Variants in CNTNAP2 observed in about 807,000 individuals in gnomAD.
The protein encoded by CNTNAP2 is contactin-associated protein-like 2.
CNTNAP2 carries 98 observed loss-of-function variants against 155.2 expected under a neutral mutation model. That is an observed-to-expected ratio of 0.63 (90% CI 0.54 to 0.75). CNTNAP2 has a LOEUF of 0.75. Among genes scored for constraint, CNTNAP2 ranks in the 30% least tolerant of loss-of-function variants. The probability of loss-of-function intolerance (pLI) is 0.00; values close to 1 mark genes in which losing one functional copy is unlikely to be tolerated. For missense variants in CNTNAP2, 1,727 were observed against 1,688.1 expected, an observed-to-expected ratio of 1.02 and a Z score of -0.40; for synonymous variants, 651 against 631.2, an observed-to-expected ratio of 1.03 and a Z score of -0.47.
intron 18 of CNTNAP2, among the ~76,000 whole-genome samples, chr7:148,174,316 G>T (rs1162811029): frequency 6.6e-6 from 1 of 152,156 alleles, no homozygotes; most frequent in Non-Finnish European, 1.5e-5. Flanking sequence ...CTGCACTGAG[G>T]CAAGCTCCAT....
intron 13 of CNTNAP2, among the ~76,000 whole-genome samples, chr7:147,895,582 G>A (rs1204374983): frequency 6.6e-6 from 1 of 152,188 alleles, no homozygotes; most frequent in Non-Finnish European, 1.5e-5. Context: ...TCTGAGGTTA[G>A]AGAAGTTCTT....
chr7:147,331,285 CGCTG>C (rs1381577737), intron 9 of CNTNAP2, among the ~76,000 whole-genome samples: 1 of 152,068 alleles, frequency 6.6e-6, no homozygotes, highest in African/African-American at 2.4e-5. Flanking sequence ...TAACCAGGAT[CGCTG>C]GCTTGGACGA....
chr7:147,530,798 AT>A (rs375546998), intron 11 of CNTNAP2, among the ~76,000 whole-genome samples: 9 of 152,156 alleles, frequency 5.9e-5, no homozygotes, highest in African/African-American at 2.2e-4. Context: ...GTCTTAACTC[AT>A]TTCGACATTA....
intron 10 of CNTNAP2, among the ~76,000 whole-genome samples, chr7:147,478,599 A>G (rs4725733): frequency 0.77 from 117,430 of 152,142 alleles, 45,604 homozygotes; most frequent in African/African-American, 0.85. Flanking sequence ...CCTTTCATTC[A>G]CTGAATGAAA....
At chr7:146,328,310 A>G (rs963730116) in intron 1 of CNTNAP2, among the ~76,000 whole-genome samples, 33 of 152,160 alleles carry the variant, frequency 2.2e-4, no homozygotes, top group African/African-American at 7.5e-4. Flanking sequence ...ATTGTCTTCT[A>G]TGAAACTGGT....
In CNTNAP2 at chr7:147,115,850, T is replaced by G. The variant is rs1800975898; in HGVS notation, c.755-5129T>G. Among the ~76,000 whole-genome samples, 3 of 152,184 alleles carry G rather than the reference T, an allele frequency of 2.0e-5. No individual in the cohort carries two copies. The South Asian group carries it at 6.2e-4, about 32-fold the overall frequency. ...CAGCCTTAGCCCAGTTCTGAGCGCT[T>G]GCTGGAGAGGTGTTGCAATCATTTG... On this transcript the variant is annotated intron_variant, in intron 5 of 23. Transcript: ENST00000361727.
intron 17 of CNTNAP2, among the ~76,000 whole-genome samples, chr7:148,158,482 A>C (rs1025563534): frequency 6.6e-6 from 1 of 152,152 alleles, no homozygotes; most frequent in African/African-American, 2.4e-5. Flanking sequence ...CAGCTTCCCA[A>C]GGTGCTAGGA....
At chr7:147,789,159 G>A (rs530004353) in intron 13 of CNTNAP2, among the ~76,000 whole-genome samples, 12 of 151,840 alleles carry the variant, frequency 7.9e-5, no homozygotes, top group South Asian at 4.2e-4. Flanking sequence ...TGCCCGCCTC[G>A]GCCTCCCAAA....
chr7:147,109,914 T>C (rs1225571836), intron 5 of CNTNAP2, among the ~76,000 whole-genome samples: 1 of 151,366 alleles, frequency 6.6e-6, no homozygotes, highest in Non-Finnish European at 1.5e-5. Flanking sequence ...TATTTATTTA[T>C]TTATTTATTT....
At chr7:147,059,615 C>G (rs1219528730) in intron 4 of CNTNAP2, among the ~76,000 whole-genome samples, 3 of 152,068 alleles carry the variant, frequency 2.0e-5, no homozygotes, top group Admixed American at 6.6e-5. Flanking sequence ...TTCTCACTAG[C>G]TTGATTCAGA....
At chr7:146,588,827 C>A (rs1303523320) in intron 1 of CNTNAP2, among the ~76,000 whole-genome samples, 2 of 151,996 alleles carry the variant, frequency 1.3e-5, no homozygotes, top group African/African-American at 4.8e-5. Flanking sequence ...AAATTTTGAA[C>A]CAACAATCTT....
At chr7:147,594,800 G>T (rs915777975) in intron 12 of CNTNAP2, among the ~76,000 whole-genome samples, 1 of 152,134 alleles carries the variant, frequency 6.6e-6, no homozygotes, top group Non-Finnish European at 1.5e-5. Flanking sequence ...ACCAAGGCAA[G>T]CTCTAAAGTA....
chr7:147,560,716 T>G (rs1584814045), intron 11 of CNTNAP2, among the ~76,000 whole-genome samples: 1 of 151,580 alleles, frequency 6.6e-6, no homozygotes, highest in East Asian at 1.9e-4. Context: ...TGCAGCATAG[T>G]TCCTCAATAA....
chr7:146,593,276 C>A (rs1366949359), intron 1 of CNTNAP2, among the ~76,000 whole-genome samples: 1 of 151,824 alleles, frequency 6.6e-6, no homozygotes. Context: ...TAGACCAGTC[C>A]GTTAGTGACC....
At position 147,822,196 on chromosome 7, in the gene CNTNAP2, T is replaced by C. The variant is rs1798372784; in HGVS notation, c.2099-81369T>C. Among the ~76,000 whole-genome samples, 3 of 151,986 alleles carry C rather than the reference T, an allele frequency of 2.0e-5. No homozygotes were observed. In the South Asian group the frequency reaches 6.2e-4, roughly 32 times the overall value. ...ATGGACTCTCTATTTTATACTCACC[T>C]CCCCACCTCACTCCCAACACATGAA... On this transcript the variant is annotated intron_variant, in intron 13 of 23. Transcript: ENST00000361727.
chr7:146,284,477 G>A (rs956246172), intron 1 of CNTNAP2, among the ~76,000 whole-genome samples: 22 of 151,998 alleles, frequency 1.4e-4, no homozygotes, highest in Admixed American at 9.2e-4. Context: ...GTCCATGGGC[G>A]TAATTAATAA....
At chr7:147,711,565 G>C (rs956283842) in intron 13 of CNTNAP2, among the ~76,000 whole-genome samples, 1 of 152,178 alleles carries the variant, frequency 6.6e-6, no homozygotes, top group African/African-American at 2.4e-5. Context: ...AACGATGGGA[G>C]CATGTGGCAA....
intron 3 of CNTNAP2, among the ~76,000 whole-genome samples, chr7:146,868,837 A>C (rs1308749255): frequency 6.6e-6 from 1 of 152,058 alleles, no homozygotes; most frequent in Non-Finnish European, 1.5e-5. Flanking sequence ...GGTACCCAGA[A>C]ATGCTAATAA....
chr7:148,420,928 A>AT lies in CNTNAP2; in HGVS notation c.*5315dup, dbSNP rs1159589272. On this transcript the variant is annotated 3_prime_UTR_variant, in exon 24 of 24. Coordinates refer to ENST00000361727, the MANE Select transcript of CNTNAP2 (RefSeq NM_014141.6). Reference sequence around the variant, plus strand: ...CTAATATTCTTTGTGAATGTCTTTCATTTAACTAAAATTATATTAGAAACC... The same window carrying AT: ...CTAATATTCTTTGTGAATGTCTTTCATTTTAACTAAAATTATATTAGAAACC... 3 of 152,670 alleles carry AT rather than the reference A, an allele frequency of 2.0e-5. No homozygotes were observed. The highest frequency in any genetic ancestry group is 4.8e-5 in the African/African-American group (2 of 41,470). The allele number at this position is 152,670 out of a possible 1,614,324, so 9.5% of individuals were successfully genotyped here.
Sources: allele counts gnomAD v4.1 joint callset (sites outside exome capture counted in the v4.1 genomes callset), GRCh38; gene constraint gnomAD v4.1.1; transcripts MANE v1.5; gene names NCBI Gene and HGNC (gene_info 2026-07-23, HGNC 2026-07-21).